FOCAD: variants seen among roughly 807,000 people sequenced by gnomAD.
FOCAD encodes the protein focadhesin, also known as KIAA1797.
FOCAD carries 198 observed loss-of-function variants against 225.6 expected under a neutral mutation model. The ratio of observed to expected loss-of-function variants is 0.88; its 90% CI spans 0.78 to 0.99. The LOEUF is 0.99. Among genes scored for constraint, FOCAD ranks in the 50% least tolerant of loss-of-function variants. The pLI, the probability that FOCAD is intolerant of heterozygous loss-of-function variation, is 0.00. For synonymous variants in FOCAD, 897 were observed against 755.0 expected (o/e 1.19, Z -3.08); for missense variants, 2,713 against 2,123.6 (o/e 1.28, Z -5.46).
chr9:20,691,060 A>G (rs1822946342), intron 1 of FOCAD, among the ~76,000 whole-genome samples: 1 of 151,982 alleles, frequency 6.6e-6, no homozygotes, highest in Non-Finnish European at 1.5e-5. Flanking sequence ...CTTCTGCCTT[A>G]GTCTCCTGAG....
At chr9:20,901,165 G>GT (rs771384320) in intron 21 of FOCAD, among the ~76,000 whole-genome samples, 11 of 145,604 alleles carry the variant, frequency 7.6e-5, no homozygotes, top group South Asian at 2.2e-4. Context: ...GTTGCAAATG[G>GT]TTTTTTTTTC....
intron 5 of FOCAD, among the ~76,000 whole-genome samples, chr9:20,744,113 A>G (rs572276090): frequency 6.6e-6 from 1 of 152,082 alleles, no homozygotes. Context: ...AAAAAATTCC[A>G]TGGCCCCAAC....
At position 20,740,226 on chromosome 9, in the gene FOCAD, T is replaced by G; in HGVS notation, c.288-10T>G. ...ATCTATAACATTTAACATGCTATAT[T>G]TCTTTGCAGAAATACACATGGCTTG... On this transcript the variant is annotated splice_polypyrimidine_tract_variant and intron_variant, in intron 4 of 43. Coordinates refer to ENST00000338382, the MANE Select transcript of FOCAD (RefSeq NM_001375567.1). The G allele has an allele frequency of 1.3e-6, 2 of 1,535,464 alleles. No individual in the cohort carries two copies. The highest frequency in any genetic ancestry group is 1.8e-6 in the Non-Finnish European group (2 of 1,115,088).
chr9:20,854,977 AATT>A (rs1467596236), intron 15 of FOCAD, among the ~76,000 whole-genome samples: 1 of 151,926 alleles, frequency 6.6e-6, no homozygotes, highest in Non-Finnish European at 1.5e-5. Flanking sequence ...CACAGAATTA[AATT>A]AATATTTATT....
chr9:20,836,421 C>A (rs1825997605), intron 15 of FOCAD, among the ~76,000 whole-genome samples: 1 of 152,012 alleles, frequency 6.6e-6, no homozygotes, highest in South Asian at 2.1e-4. Context: ...TCTAACCTTG[C>A]AGAAGAGTTT....
chr9:20,938,746 G>T (rs189594174), intron 28 of FOCAD, among the ~76,000 whole-genome samples: 117 of 151,716 alleles, frequency 7.7e-4, no homozygotes, highest in African/African-American at 2.7e-3. Context: ...AAGAAAGATT[G>T]TAGATATATT....
rs1564024181 is a variant in FOCAD at position 20,815,123 on chromosome 9, G to GTGTTTTTTTTTTTTTTTTTTTTT, written c.1456-4672_1456-4671insGTTTTTTTTTTTTTTTTTTTTTT. Among the ~76,000 whole-genome samples the GTGTTTTTTTTTTTTTTTTTTTTT allele has an allele frequency of 8.7e-4, 74 of 85,386 alleles. 18 individuals carry two copies. Among genetic ancestry groups the GTGTTTTTTTTTTTTTTTTTTTTT allele is most frequent in the South Asian group, 2.0e-3 (5 of 2,522 alleles). 56.0% of individuals were successfully genotyped at this position (85,386 alleles called of 152,430 possible). ...TCTGGAAATATCATTACTTCTCTTTGTTTTTTTTTTTTTGTTTTTTTTTTT... is the reference window on the plus strand; with the variant it reads ...TCTGGAAATATCATTACTTCTCTTTGTGTTTTTTTTTTTTTTTTTTTTTTTTTTTTTTTTTTGTTTTTTTTTTT... On this transcript the variant is annotated intron_variant, in intron 11 of 43. Coordinates refer to ENST00000338382, the MANE Select transcript of FOCAD (RefSeq NM_001375567.1).
chr9:20,777,694 G>A (rs547472892), intron 8 of FOCAD, among the ~76,000 whole-genome samples: 2 of 152,212 alleles, frequency 1.3e-5, no homozygotes, highest in Admixed American at 6.5e-5. Flanking sequence ...AATTCATTAT[G>A]CAAGTTATAT....
rs553014988 is a variant in FOCAD at position 20,932,125 on chromosome 9, A to G, written c.3318-889A>G. On this transcript the variant is annotated intron_variant, in intron 27 of 43. Transcript: ENST00000338382. ...TAAGTATATTTTACTCCAAAGGACA[A>G]CTTTTATAGGATTTATTTAGTTAAA... Among the ~76,000 whole-genome samples, 18 of 152,278 alleles carry G rather than the reference A, an allele frequency of 1.2e-4. No homozygotes were observed. The South Asian group carries it at 3.1e-3, about 26-fold the overall frequency.
intron 19 of FOCAD, 138 bp from the exon 20 acceptor site, chr9:20,881,733 T>C (rs1166431428): frequency 2.7e-6 from 2 of 749,404 alleles, no homozygotes; most frequent in African/African-American, 1.8e-5. Flanking sequence ...AAGGGATAGG[T>C]ATCAAGAGGT....
intron 5 of FOCAD, among the ~76,000 whole-genome samples, chr9:20,751,624 G>A (rs1267035241): frequency 5.0e-5 from 7 of 139,912 alleles, no homozygotes; most frequent in Non-Finnish European, 6.3e-5. Flanking sequence ...ACATATGTGT[G>A]CCTGTGTCTT....
intron 4 of FOCAD, among the ~76,000 whole-genome samples, chr9:20,726,618 A>G (rs1276835858): frequency 6.6e-6 from 1 of 152,184 alleles, no homozygotes; most frequent in Admixed American, 6.5e-5. Flanking sequence ...AAATTCTTGT[A>G]GTGGGTCCTA....
chr9:20,949,780 C>G (rs1837522068), intron 33 of FOCAD, 105 bp downstream of exon 33: 3 of 996,150 alleles, frequency 3.0e-6, no homozygotes, highest in Non-Finnish European at 3.1e-6. Flanking sequence ...ATGGGAAAGT[C>G]TCTGGTTATT....
intron 8 of FOCAD, among the ~76,000 whole-genome samples, chr9:20,777,888 G>A (rs1043472791): frequency 6.6e-6 from 1 of 151,884 alleles, no homozygotes; most frequent in African/African-American, 2.4e-5. Flanking sequence ...GGATCACGAG[G>A]TCAGGAGATC....
At chr9:20,695,505 ACAAT>A (rs1371441775) in intron 1 of FOCAD, among the ~76,000 whole-genome samples, 1 of 152,190 alleles carries the variant, frequency 6.6e-6, no homozygotes, top group Admixed American at 6.5e-5. Flanking sequence ...TTTTTACAAT[ACAAT>A]CAGTTTTTTC....
At chr9:20,749,665 C>T (rs1291084707) in intron 5 of FOCAD, among the ~76,000 whole-genome samples, 2 of 152,148 alleles carry the variant, frequency 1.3e-5, no homozygotes, top group African/African-American at 4.8e-5. Context: ...CAGCTGCATA[C>T]ATGAAAATGC....
chr9:20,739,041 C>G (rs537139408), intron 4 of FOCAD, among the ~76,000 whole-genome samples: 1 of 152,130 alleles, frequency 6.6e-6, no homozygotes, highest in South Asian at 2.1e-4. Flanking sequence ...GTGGCTGTTA[C>G]TATATTGGAC....
intron 29 of FOCAD, among the ~76,000 whole-genome samples, chr9:20,946,080 TATTC>T (rs57359069): frequency 0.12 from 14,870 of 122,388 alleles, 981 homozygotes; most frequent in African/African-American, 0.2. Context: ...ATATTTTATT[TATTC>T]ATTCATTCAT....
chr9:20,806,140 G>T (rs901253341), intron 11 of FOCAD, among the ~76,000 whole-genome samples: 2 of 152,284 alleles, frequency 1.3e-5, no homozygotes, highest in Admixed American at 1.3e-4. Context: ...ACCATTTAGT[G>T]TGTACCAAAT....
Sources: allele counts gnomAD v4.1 joint callset (sites outside exome capture counted in the v4.1 genomes callset), GRCh38; gene constraint gnomAD v4.1.1; transcripts MANE v1.5; gene names NCBI Gene and HGNC (gene_info 2026-07-23, HGNC 2026-07-21).